The following ASIC2 variants were observed in gnomAD, a reference collection of about 807,000 sequenced individuals.
ASIC2 encodes acid-sensing ion channel 2.
In ASIC2, 25 loss-of-function variants were observed where a neutral mutation model predicts 57.3. That is an observed-to-expected ratio of 0.44 (90% CI 0.32 to 0.61). The LOEUF is 0.61. Ranked by LOEUF, ASIC2 falls within the 20% of genes least tolerant of loss-of-function variation. The probability of loss-of-function intolerance (pLI) is 0.06; values close to 1 mark genes in which losing one functional copy is unlikely to be tolerated. For missense variants in ASIC2, 641 were observed against 738.1 expected (o/e 0.87, Z 1.52); for synonymous variants, 319 against 307.5 (o/e 1.04, Z -0.39).
At chr17:33,807,130 C>CA (rs996209443) in intron 1 of ASIC2, among the ~76,000 whole-genome samples, 1 of 152,176 alleles carries the variant, frequency 6.6e-6, no homozygotes, top group Non-Finnish European at 1.5e-5. Context: ...CTCAATCAGC[C>CA]AGTCATCTCC....
intron 1 of ASIC2, among the ~76,000 whole-genome samples, chr17:33,511,249 C>T (rs887211858): frequency 6.6e-6 from 1 of 152,182 alleles, no homozygotes. Context: ...ACCAAACTGA[C>T]AAGCAGTGAC....
chr17:33,700,201 A>G (rs1908653921), intron 1 of ASIC2, among the ~76,000 whole-genome samples: 1 of 152,182 alleles, frequency 6.6e-6, no homozygotes, highest in East Asian at 1.9e-4. Context: ...GTAAATGGTT[A>G]GAATAGAAAT....
Position 33,635,435 on chromosome 17 carries a change from T to C in ASIC2, c.555+520543A>G, listed in dbSNP as rs141520922. ...AGTAGCTGGGACTCTAACCAGGTCA[T>C]TGTACTCTTAGGTTGGCTGGTCTAT... On this transcript the variant is annotated intron_variant, in intron 1 of 9. Transcript: ENST00000359872. 2.3e-3 allele frequency among the ~76,000 whole-genome samples: 348 copies of C among 152,316 alleles called. 1 individual carries two copies. The highest frequency in any genetic ancestry group is 7.8e-3 in the African/African-American group (326 of 41,572).
chr17:33,721,010 G>C (rs762896859), intron 1 of ASIC2, among the ~76,000 whole-genome samples: 1 of 152,138 alleles, frequency 6.6e-6, no homozygotes, highest in Non-Finnish European at 1.5e-5. Context: ...AAAACTCTAA[G>C]TGCATTGTCC....
intron 1 of ASIC2, among the ~76,000 whole-genome samples, chr17:33,348,619 G>T (rs1908044043): frequency 6.6e-6 from 1 of 152,098 alleles, no homozygotes; most frequent in South Asian, 2.1e-4. Context: ...TGAGATTAGG[G>T]TGCATGGAGC....
chr17:33,741,085 G>A (rs1352498200), intron 1 of ASIC2, among the ~76,000 whole-genome samples: 2 of 152,192 alleles, frequency 1.3e-5, no homozygotes, highest in East Asian at 3.9e-4. Context: ...GGAGTGCACG[G>A]AGCTGTCGAA....
intron 1 of ASIC2, among the ~76,000 whole-genome samples, chr17:34,109,107 C>T (rs1384733291): frequency 1.3e-5 from 2 of 150,298 alleles, no homozygotes; most frequent in Non-Finnish European, 3.0e-5. Context: ...TGTCTATTTT[C>T]AACCTATGTG....
At chr17:33,485,971 G>C (rs1057359271) in intron 1 of ASIC2, among the ~76,000 whole-genome samples, 17 of 152,176 alleles carry the variant, frequency 1.1e-4, no homozygotes, top group African/African-American at 4.1e-4. Flanking sequence ...GCCCCTTCCT[G>C]CCTCTGCTTT....
intron 1 of ASIC2, among the ~76,000 whole-genome samples, chr17:33,274,368 C>T (rs1462484643): frequency 6.6e-6 from 1 of 152,098 alleles, no homozygotes; most frequent in Non-Finnish European, 1.5e-5. Context: ...TATCACAGAG[C>T]TAATACAAAA....
At chr17:34,041,453 T>C (rs1908128914) in intron 1 of ASIC2, 1 of 152,136 alleles carries the variant, frequency 6.6e-6, no homozygotes, top group South Asian at 2.1e-4. Context: ...GACAAGGTCG[T>C]GAAATAGAAA....
intron 1 of ASIC2, among the ~76,000 whole-genome samples, chr17:34,017,256 T>G (rs1482388293): frequency 6.6e-6 from 1 of 152,212 alleles, no homozygotes; most frequent in Non-Finnish European, 1.5e-5. Flanking sequence ...GTTACTGATG[T>G]AATTGTTTGG....
intron 1 of ASIC2, among the ~76,000 whole-genome samples, chr17:33,892,825 C>T (rs959347986): frequency 1.3e-5 from 2 of 152,156 alleles, no homozygotes; most frequent in African/African-American, 4.8e-5. Flanking sequence ...TGCAGAGCCC[C>T]GAGCTGCCTG....
At chr17:33,522,342 T>C (rs1453632055) in intron 1 of ASIC2, among the ~76,000 whole-genome samples, 4 of 152,222 alleles carry the variant, frequency 2.6e-5, no homozygotes, top group African/African-American at 9.6e-5. Context: ...CGGACTCCTC[T>C]GAGAAACCGA....
intron 1 of ASIC2, chr17:33,572,268 C>T (rs1335774756): frequency 6.6e-6 from 1 of 151,686 alleles, no homozygotes; most frequent in Non-Finnish European, 1.5e-5. Context: ...CAAGATCAAC[C>T]CGACAGACCC....
intron 1 of ASIC2, among the ~76,000 whole-genome samples, chr17:33,169,971 A>G (rs887783071): frequency 1.3e-5 from 2 of 152,208 alleles, no homozygotes; most frequent in South Asian, 4.1e-4. Context: ...GTGGCCCCCC[A>G]AGATGAGTCC....
chr17:33,645,685 G>A (rs1906717998), intron 1 of ASIC2, among the ~76,000 whole-genome samples: 1 of 152,222 alleles, frequency 6.6e-6, no homozygotes, highest in South Asian at 2.1e-4. Flanking sequence ...GCAGGCCAAA[G>A]GGCCAGTTTC....
intron 1 of ASIC2, among the ~76,000 whole-genome samples, chr17:33,501,176 T>C (rs946572939): frequency 6.6e-6 from 1 of 152,208 alleles, no homozygotes; most frequent in South Asian, 2.1e-4. Context: ...AGATGCTGAG[T>C]GCTGTTAATG....
intron 1 of ASIC2, among the ~76,000 whole-genome samples, chr17:33,336,413 T>C (rs745823641): frequency 6.6e-6 from 1 of 152,128 alleles, no homozygotes; most frequent in Non-Finnish European, 1.5e-5. Flanking sequence ...AAAATGTTGT[T>C]TATTTTCGTT....
At chr17:33,731,957 G>A (rs1909756441) in intron 1 of ASIC2, among the ~76,000 whole-genome samples, 1 of 152,098 alleles carries the variant, frequency 6.6e-6, no homozygotes, top group Non-Finnish European at 1.5e-5. Context: ...AGCACTAGAA[G>A]GTGACTTAAA....
Sources: gnomAD v4.1 joint callset for allele counts (sites outside exome capture counted in the v4.1 genomes callset) on GRCh38, gnomAD v4.1.1 for gene constraint, MANE v1.5 for transcripts, NCBI Gene and HGNC (gene_info 2026-07-23, HGNC 2026-07-21) for gene names.